ZBTB48: variants seen among roughly 807,000 people sequenced by gnomAD.
The protein encoded by ZBTB48 is zinc finger and BTB domain containing 48, also known as zinc finger and BTB domain-containing protein 48.
Under a neutral mutation model 64.5 loss-of-function variants are expected in ZBTB48, and 35 were observed. The ratio of observed to expected loss-of-function variants is 0.54; its 90% CI spans 0.41 to 0.72. The LOEUF is 0.72. Among genes scored for constraint, ZBTB48 ranks in the 30% least tolerant of loss-of-function variants. ZBTB48 has a pLI of 0.00. For missense variants in ZBTB48, 828 were observed against 895.3 expected, an observed-to-expected ratio of 0.92 and a Z score of 0.96; for synonymous variants, 442 against 356.7, an observed-to-expected ratio of 1.24 and a Z score of -2.70.
chr1:6,588,547 A>G (rs1015559348), intron 9 of ZBTB48, 105 bp downstream of exon 9: 27 of 1,449,758 alleles, frequency 1.9e-5, no homozygotes, highest in African/African-American at 7.1e-5. Flanking sequence ...TGTGCCCCAC[A>G]TGGTTAGAGT....
chr1:6,588,190 A>T lies in ZBTB48; in HGVS notation c.1510A>T (p.Thr504Ser). The change falls in exon 8 of 11, where the codon ACC (threonine) becomes TCC (serine). Residue 504 changes from threonine (T) to serine (S), a missense_variant. Thr to Ser is a moderately conservative substitution (Grantham distance 58). Coordinates refer to ENST00000377674, the MANE Select transcript of ZBTB48 (RefSeq NM_005341.4). ...CCACCTCTGTGGCAAGACCTTCCGA[A>T]CCCAAGGTGAGGTACGCCCTGCCCC... The part of the protein sequence containing the change: ...QCHLCGKTFR[T>S]QASLDKHNRT... 6.2e-7 allele frequency: 1 copy of T among 1,613,770 alleles called. No individual in the cohort carries two copies. The highest frequency in any genetic ancestry group is 8.5e-7 in the Non-Finnish European group (1 of 1,179,950).
Position 6,580,879 on chromosome 1 carries a change from G to C in ZBTB48, c.270G>C (p.Gly90=), listed in dbSNP as rs751939254. The C allele has an allele frequency of 1.1e-5, 18 of 1,614,034 alleles. No homozygotes were observed. The highest frequency in any genetic ancestry group is 1.4e-5 in the Non-Finnish European group (17 of 1,180,060). ...CTGGTCACCTCGCTCTCACCTCAGGGAACCGGGATCAGGTGCTCCTGGCAG... is the reference window on the plus strand; with the variant it reads ...CTGGTCACCTCGCTCTCACCTCAGGCAACCGGGATCAGGTGCTCCTGGCAG... ...FYTGHLALTS[G]NRDQVLLAAR... The change falls in exon 2 of 11, where the codon GGG becomes GGC. Residue 90 remains glycine, a synonymous_variant. Transcript: ENST00000377674. The surrounding 1 kb of genome is among the most constrained non-coding windows in gnomAD (Gnocchi z 5.2).
chr1:6,589,278 G>T lies in ZBTB48; in HGVS notation c.*66G>T. The T allele has an allele frequency of 6.9e-7, 1 of 1,456,270 alleles. No homozygotes were observed. The highest frequency in any genetic ancestry group is 1.5e-5 in the South Asian group (1 of 67,792). 90.2% of individuals were successfully genotyped at this position (1,456,270 alleles called of 1,614,324 possible). On this transcript the variant is annotated 3_prime_UTR_variant, in exon 11 of 11. Transcript: ENST00000377674. ...ATAAACCGTGTGGCTTTGGACTCTC[G>T]TATTTCAGCCTGACAGTCTGTTCCC...
rs1392650516 is a variant in ZBTB48 at position 6,580,867 on chromosome 1, T to C, written c.258T>C (p.Ala86=). 1.2e-6 allele frequency: 2 copies of C among 1,614,140 alleles called. No homozygotes were observed. Among genetic ancestry groups the C allele is most frequent in the East Asian group, 4.5e-5 (2 of 44,886 alleles). The change falls in exon 2 of 11, where the codon GCT becomes GCC. Residue 86 remains alanine, a synonymous_variant. Transcript: ENST00000377674. The surrounding 1 kb of genome is among the most constrained non-coding windows in gnomAD (Gnocchi z 5.2). ...LLDFFYTGHL[A]LTSGNRDQVL... ...ACTTTTTCTACACTGGTCACCTCGC[T>C]CTCACCTCAGGGAACCGGGATCAGG...
In ZBTB48 at chr1:6,580,902, C is replaced by T. The variant is rs750621086; in HGVS notation, c.293C>T (p.Ala98Val). The change falls in exon 2 of 11, where the codon GCA becomes GTA. Residue 98 changes from alanine (A) to valine (V), a missense_variant. Ala to Val is a moderately conservative substitution (Grantham distance 64, BLOSUM62 0). Coordinates refer to ENST00000377674, the MANE Select transcript of ZBTB48 (RefSeq NM_005341.4). This position sits in a 1 kb window ranked among gnomAD's most constrained non-coding sequence, Gnocchi z 5.2. Reference sequence around the variant, plus strand: ...GGGAACCGGGATCAGGTGCTCCTGGCAGCCAGGGAGTTGCGAGTGCCAGAG... The same window carrying T: ...GGGAACCGGGATCAGGTGCTCCTGGTAGCCAGGGAGTTGCGAGTGCCAGAG... ...TSGNRDQVLLAARELRVPEAV... is the reference protein window; with the variant it reads ...TSGNRDQVLLVARELRVPEAV... The T allele has an allele frequency of 1.2e-6, 2 of 1,614,134 alleles. No individual in the cohort carries two copies. The highest frequency in any genetic ancestry group is 1.6e-4 in the Middle Eastern group (1 of 6,062).
At position 6,588,130 on chromosome 1, in the gene ZBTB48, C is replaced by T. The variant is rs996862022; in HGVS notation, c.1450C>T (p.Leu484=). 1.9e-6 allele frequency: 3 copies of T among 1,614,212 alleles called. No homozygotes were observed. The highest frequency in any genetic ancestry group is 1.7e-5 in the Admixed American group (1 of 60,032). ...CCAAAAGGCCAATCTCAACATGCAC[C>T]TGCGCACACACACGGGTGAGAAGCC... ...FTQKANLNMH[L]RTHTGEKPFQ... is the part of the protein sequence containing the mutation. Residue 484 remains leucine, a synonymous_variant, in exon 8 of 11, where the codon CTG becomes TTG. Transcript: ENST00000377674.
rs1287618524 is a variant in ZBTB48, at chr1:6,588,335, T to C, written c.1574T>C (p.Phe525Ser). 3.1e-6 allele frequency: 5 copies of C among 1,608,434 alleles called. No homozygotes were observed. The highest frequency in any genetic ancestry group is 4.3e-6 in the Non-Finnish European group (5 of 1,175,942). Residue 525 changes from phenylalanine to serine, a missense_variant, in exon 9 of 11, where the codon TTC (phenylalanine) becomes TCC (serine). Physicochemically the swap from Phe to Ser is radical, Grantham distance 155. Coordinates refer to ENST00000377674, the MANE Select transcript of ZBTB48 (RefSeq NM_005341.4). Reference sequence around the variant, plus strand: ...GGGGAAAGGCCCTTCAGTTGCGAGTTCTGTGAACAGCGCTTCACTGAGAAG... The same window carrying C: ...GGGGAAAGGCCCTTCAGTTGCGAGTCCTGTGAACAGCGCTTCACTGAGAAG... ...HTGERPFSCE[F>S]CEQRFTEKGP...
In ZBTB48 at chr1:6,580,223, C is replaced by T; in HGVS notation, c.-70+87C>T. On this transcript the variant is annotated intron_variant, in intron 1 of 10. Transcript: ENST00000377674. This position sits in a 1 kb window ranked among gnomAD's most constrained non-coding sequence, Gnocchi z 5.2. ...GGCCGCTCGGGACCTGTGGGCGCGG[C>T]GTGGGCTTCGCTCACCTGTCCCCGG... The T allele has an allele frequency of 4.8e-6, 1 of 206,892 alleles. No homozygotes were observed. The highest frequency in any genetic ancestry group is 9.9e-6 in the Non-Finnish European group (1 of 100,916). 12.8% of individuals were successfully genotyped at this position (206,892 alleles called of 1,614,324 possible). A position where few individuals can be genotyped will look rare whatever the true frequency, so the allele number is the denominator to read the frequency against.
In ZBTB48 at chr1:6,586,500, G is replaced by A. The variant is rs1640671837; in HGVS notation, c.1045-195G>A. ...CCCAGTCTGTCTGGGCCTGAGAAGG[G>A]CCTGGTGTGCGGTGGGCTTGCAGCA... On this transcript the variant is annotated intron_variant, in intron 4 of 10. Coordinates refer to ENST00000377674, the MANE Select transcript of ZBTB48 (RefSeq NM_005341.4). 1.5e-5 allele frequency: 18 copies of A among 1,203,848 alleles called. No homozygotes were observed. The South Asian group carries it at 2.6e-4, about 18-fold the overall frequency. 74.6% of individuals were successfully genotyped at this position (1,203,848 alleles called of 1,614,324 possible).
At position 6,581,014 on chromosome 1, in the gene ZBTB48, C is replaced by G; in HGVS notation, c.405C>G (p.Ser135=). 6.2e-7 allele frequency: 1 copy of G among 1,613,420 alleles called. No individual in the cohort carries two copies. Among genetic ancestry groups the G allele is most frequent in the South Asian group, 1.1e-5 (1 of 91,090 alleles). ...GGQSGLGPPA[S]QNVNSHVKEP... The stretch of plus-strand genomic sequence containing the variant: ...AGAGTGGGCTGGGGCCCCCTGCCTC[C>G]CAGAATGTGAACAGCCACGTCAAGG... The change falls in exon 2 of 11, where the codon TCC becomes TCG. Residue 135 remains serine (S), a synonymous_variant. Transcript: ENST00000377674.
At chr1:6,587,753 A>G in intron 7 of ZBTB48, 121 bp downstream of exon 7, 1 of 1,464,930 alleles carries the variant, frequency 6.8e-7, no homozygotes, top group Non-Finnish European at 9.1e-7. Context: ...CTCCACCCTG[A>G]ATCTAGTGCC....
At position 6,582,138 on chromosome 1, in the gene ZBTB48, G is replaced by A. The variant is rs1345797225; in HGVS notation, c.771G>A (p.Lys257=). Residue 257 remains lysine (K), a synonymous_variant, in exon 3 of 11, where the codon AAG becomes AAA. Transcript: ENST00000377674. ...CTGAGGCTGTGCTGACCAGGAGGAA[G>A]TCAAATGTAATCCGAAAGCCCTGTG... ...SEPEAVLTRR[K]SNVIRKPCAA... The A allele has an allele frequency of 6.8e-6, 11 of 1,614,124 alleles. No individual in the cohort carries two copies. The highest frequency in any genetic ancestry group is 9.3e-6 in the Non-Finnish European group (11 of 1,180,050).
At chr1:6,583,708 C>T (rs1477692517) in intron 3 of ZBTB48, among the ~76,000 whole-genome samples, 1 of 150,854 alleles carries the variant, frequency 6.6e-6, no homozygotes, top group Admixed American at 6.6e-5. Flanking sequence ...TTAAGCGATT[C>T]TCCTGCCTCA....
At chr1:6,587,969 C>T in intron 7 of ZBTB48, 91 bp from the exon 8 acceptor site, 1 of 1,546,804 alleles carries the variant, frequency 6.5e-7, no homozygotes, top group Non-Finnish European at 8.8e-7. Context: ...TGCCCAAGCC[C>T]TCTTTCCACC....
Position 6,580,575 on chromosome 1 carries a change from CG to C in ZBTB48, c.-31del. The C allele has an allele frequency of 6.3e-7, 1 of 1,584,626 alleles. No homozygotes were observed. On this transcript the variant is annotated 5_prime_UTR_variant, in exon 2 of 11. Coordinates refer to ENST00000377674, the MANE Select transcript of ZBTB48 (RefSeq NM_005341.4). This position sits in a 1 kb window ranked among gnomAD's most constrained non-coding sequence, Gnocchi z 5.2. ...CTTGCATACCCTCGCTTAGGCTGGC[CG>C]GGGTGTCACTTCTGCCTCCCTGCCC...
In ZBTB48 at chr1:6,582,316, T is replaced by C; in HGVS notation, c.932+17T>C. 1.2e-6 allele frequency: 2 copies of C among 1,601,530 alleles called. No individual in the cohort carries two copies. Among genetic ancestry groups the C allele is most frequent in the Non-Finnish European group, 1.7e-6 (2 of 1,170,046 alleles). On this transcript the variant is annotated intron_variant, in intron 3 of 10. Transcript: ENST00000377674. ...CCACAACAGGTAAACGTTCTGTTTT[T>C]CTATTTTCTTTTCCTGTCTGCCATT...
At position 6,580,530 on chromosome 1, in the gene ZBTB48, CTT is replaced by C. The variant is rs2148682274; in HGVS notation, c.-69-10_-69-9del. The C allele has an allele frequency of 6.9e-7, 1 of 1,456,336 alleles. No homozygotes were observed. Among genetic ancestry groups the C allele is most frequent in the South Asian group, 1.3e-5 (1 of 76,130 alleles). The allele number at this position is 1,456,336 out of a possible 1,614,324, so 90.2% of individuals were successfully genotyped here. A position where few individuals can be genotyped will look rare whatever the true frequency, so the allele number is the denominator to read the frequency against. ...AGAGGCCAACTTCCCGTTTCTCTCT[CTT>C]GACTCCAGGAGCTTTCTCTTGCATA... On this transcript the variant is annotated splice_polypyrimidine_tract_variant and intron_variant, in intron 1 of 10. Coordinates refer to ENST00000377674, the MANE Select transcript of ZBTB48 (RefSeq NM_005341.4). The surrounding 1 kb of genome is among the most constrained non-coding windows in gnomAD (Gnocchi z 5.2).
In ZBTB48 at chr1:6,584,160, T is replaced by G. The variant is rs956846308; in HGVS notation, c.933-1759T>G. ...CAAACTCCTGACCTTGCGATCCACC[T>G]GCCTTAGCTTCCCAAAGTGCTGGGA... On this transcript the variant is annotated intron_variant, in intron 3 of 10. Coordinates refer to ENST00000377674, the MANE Select transcript of ZBTB48 (RefSeq NM_005341.4). This position sits in a 1 kb window ranked among gnomAD's most constrained non-coding sequence, Gnocchi z 4.5. Among the ~76,000 whole-genome samples, 6 of 152,212 alleles carry G rather than the reference T, an allele frequency of 3.9e-5. No homozygotes were observed. The highest frequency in any genetic ancestry group is 7.3e-5 in the Non-Finnish European group (5 of 68,036).
Position 6,588,118 on chromosome 1 carries a change from C to T in ZBTB48, c.1438C>T (p.Leu480Phe). ...CSHAFTQKANLNMHLRTHTGE... is the reference protein window; with the variant it reads ...CSHAFTQKANFNMHLRTHTGE... Reference sequence around the variant, plus strand: ...CCACGCCTTCACCCAAAAGGCCAATCTCAACATGCACCTGCGCACACACAC... The same window carrying T: ...CCACGCCTTCACCCAAAAGGCCAATTTCAACATGCACCTGCGCACACACAC... The change falls in exon 8 of 11, where the codon CTC (leucine) becomes TTC (phenylalanine). Residue 480 changes from leucine to phenylalanine, a missense_variant. Transcript: ENST00000377674. 1 of 1,614,206 alleles carries T rather than the reference C, an allele frequency of 6.2e-7. No homozygotes were observed. The highest frequency in any genetic ancestry group is 8.5e-7 in the Non-Finnish European group (1 of 1,180,046).
Sources: allele counts gnomAD v4.1 joint callset (sites outside exome capture counted in the v4.1 genomes callset), GRCh38; gene constraint gnomAD v4.1.1; non-coding constraint Gnocchi (gnomAD v3.1); transcripts MANE v1.5; gene names NCBI Gene and HGNC (gene_info 2026-07-23, HGNC 2026-07-21).